SLC25A13: variants seen among roughly 807,000 people sequenced by gnomAD.
SLC25A13 encodes the protein electrogenic aspartate/glutamate antiporter SLC25A13, mitochondrial.
In SLC25A13, 70 loss-of-function variants were observed where a neutral mutation model predicts 85.5. The ratio of observed to expected loss-of-function variants is 0.82; its 90% CI spans 0.68 to 1.00. SLC25A13 has a LOEUF of 1.00. Ranked by LOEUF, SLC25A13 falls within the 50% of genes least tolerant of loss-of-function variation. SLC25A13 has a pLI of 0.00. For missense variants in SLC25A13, 765 were observed against 819.8 expected (o/e 0.93, Z 0.82); for synonymous variants, 259 against 288.7 (o/e 0.90, Z 1.04).
intron 14 of SLC25A13, 146 bp from the exon 15 acceptor site, chr7:96,132,027 A>G (rs1458625109): frequency 9.4e-7 from 1 of 1,060,488 alleles, no homozygotes; most frequent in Non-Finnish European, 1.4e-6. Context: ...AGAAAAAAAT[A>G]ACCCAAATTC....
intron 1 of SLC25A13, among the ~76,000 whole-genome samples, chr7:96,315,544 AG>A (rs1800098226): frequency 6.6e-6 from 1 of 152,234 alleles, no homozygotes; most frequent in Non-Finnish European, 1.5e-5. Context: ...TCCTGGTAAA[AG>A]GGGACAGGAC....
At chr7:96,270,750 T>C (rs1227535791) in intron 3 of SLC25A13, among the ~76,000 whole-genome samples, 2 of 152,096 alleles carry the variant, frequency 1.3e-5, no homozygotes, top group Non-Finnish European at 2.9e-5. Context: ...CAAATTCCCA[T>C]AATAACACAA....
intron 3 of SLC25A13, among the ~76,000 whole-genome samples, chr7:96,243,388 A>ATGT (rs1797064820): frequency 6.6e-6 from 1 of 152,216 alleles, no homozygotes; most frequent in Non-Finnish European, 1.5e-5. Flanking sequence ...AAGGAACCAC[A>ATGT]TTTGCAGATG....
intron 14 of SLC25A13, among the ~76,000 whole-genome samples, chr7:96,139,997 C>A (rs1340445798): frequency 8.3e-6 from 1 of 120,508 alleles, no homozygotes; most frequent in South Asian, 2.7e-4. Flanking sequence ...CTCGCTCTGT[C>A]GCCCAGGCTG....
At position 96,176,938 on chromosome 7, in the gene SLC25A13, T is replaced by G. The variant is rs555339591; in HGVS notation, c.1178-5414A>C. ...TGTGCATCTTTCACACTGAGTGATCTTGGGTAGTAATTCTTTGAATTCTAG... is the reference window on the plus strand; with the variant it reads ...TGTGCATCTTTCACACTGAGTGATCGTGGGTAGTAATTCTTTGAATTCTAG... On this transcript the variant is annotated intron_variant, in intron 11 of 17. Coordinates refer to ENST00000265631, the MANE Select transcript of SLC25A13 (RefSeq NM_014251.3). Among the ~76,000 whole-genome samples the G allele has an allele frequency of 1.1e-3, 174 of 152,282 alleles. 5 individuals are homozygous for G. The South Asian group carries it at 0.035, about 31-fold the overall frequency.
chr7:96,157,685 T>A (rs1793339152), intron 13 of SLC25A13, among the ~76,000 whole-genome samples: 3 of 152,008 alleles, frequency 2.0e-5, no homozygotes, highest in Admixed American at 6.6e-5. Context: ...GTGCCTGTAG[T>A]CTTGGCCACT....
At position 96,139,666 on chromosome 7, in the gene SLC25A13, T is replaced by C. The variant is rs567114805; in HGVS notation, c.1452+6890A>G. 3.3e-5 allele frequency among the ~76,000 whole-genome samples: 5 copies of C among 152,338 alleles called. No individual in the cohort carries two copies. The South Asian group carries it at 1.0e-3, about 32-fold the overall frequency. ...TGTGAAAAGACTCAGTCACTCTCTC[T>C]CATACATCAAGAATATGTACACTTA... On this transcript the variant is annotated intron_variant, in intron 14 of 17. Coordinates refer to ENST00000265631, the MANE Select transcript of SLC25A13 (RefSeq NM_014251.3).
intron 9 of SLC25A13, 112 bp from the exon 10 acceptor site, chr7:96,185,123 A>C: frequency 1.4e-6 from 1 of 699,106 alleles, no homozygotes; most frequent in Non-Finnish European, 2.3e-6. Flanking sequence ...TTCTAAATCC[A>C]TGATACAACT....
At chr7:96,299,116 T>C (rs1373502762) in intron 1 of SLC25A13, among the ~76,000 whole-genome samples, 1 of 152,240 alleles carries the variant, frequency 6.6e-6, no homozygotes, top group Non-Finnish European at 1.5e-5. Context: ...AATTCTAAAA[T>C]AGAATTAATT....
chr7:96,284,152 A>G (rs1269790981), intron 2 of SLC25A13, among the ~76,000 whole-genome samples: 1 of 152,152 alleles, frequency 6.6e-6, no homozygotes, highest in African/African-American at 2.4e-5. Context: ...AAGTATTTGT[A>G]ACATAGCAGG....
Position 96,121,682 on chromosome 7 carries a change from C to A in SLC25A13, c.1814G>T (p.Arg605Leu), listed in dbSNP as rs548194276. The change falls in exon 17 of 18, where the codon CGA (arginine) becomes CTA (leucine). Residue 605 changes from arginine (R) to leucine (L), a missense_variant. Arg to Leu is a moderately radical substitution (Grantham distance 102). Transcript: ENST00000265631. ...VTLLTYELLQ[R>L]WFYIDFGGVK... is the part of the protein sequence containing the mutation. ...TCCTCCAAAATCAATGTAGAACCAT[C>A]GCTGTAGCAATTCGTAAGTCAGCAA... 6.2e-7 allele frequency: 1 copy of A among 1,614,004 alleles called. No homozygotes were observed. The highest frequency in any genetic ancestry group is 1.1e-5 in the South Asian group (1 of 91,084).
chr7:96,215,243 C>A (rs548455441), intron 4 of SLC25A13, among the ~76,000 whole-genome samples: 1 of 152,106 alleles, frequency 6.6e-6, no homozygotes, highest in Non-Finnish European at 1.5e-5. Context: ...GGATTACAGG[C>A]GCTTTGATAC....
chr7:96,268,407 C>A (rs970572206), intron 3 of SLC25A13, among the ~76,000 whole-genome samples: 1 of 152,122 alleles, frequency 6.6e-6, no homozygotes, highest in Non-Finnish European at 1.5e-5. Flanking sequence ...AGTTCAGTTA[C>A]GTGGTACAGT....
intron 4 of SLC25A13, among the ~76,000 whole-genome samples, chr7:96,222,422 A>G (rs1796168044): frequency 6.6e-6 from 1 of 152,122 alleles, no homozygotes; most frequent in Non-Finnish European, 1.5e-5. Flanking sequence ...TAGCCAGCCA[A>G]CCAAACAGTT....
intron 12 of SLC25A13, 107 bp from the exon 13 acceptor site, chr7:96,170,232 T>G: frequency 1.0e-6 from 1 of 965,848 alleles, no homozygotes; most frequent in East Asian, 2.5e-5. Flanking sequence ...ATCAGTCTAT[T>G]GGAGTAATCA....
chr7:96,205,653 A>G (rs1256951199), intron 5 of SLC25A13, among the ~76,000 whole-genome samples: 1 of 152,262 alleles, frequency 6.6e-6, no homozygotes, highest in Non-Finnish European at 1.5e-5. Flanking sequence ...AGTCAAGTTT[A>G]GCTCAAATAA....
In SLC25A13 at chr7:96,270,185, C is replaced by G. The variant is rs1412988004; in HGVS notation, c.212+7011G>C. The stretch of plus-strand genomic sequence containing the variant: ...GACATGCTAATTAGCTTGCTTTAGC[C>G]ATTCTACAATGTATACATATTTCAA... On this transcript the variant is annotated intron_variant, in intron 3 of 17. Coordinates refer to ENST00000265631, the MANE Select transcript of SLC25A13 (RefSeq NM_014251.3). 4.6e-5 allele frequency among the ~76,000 whole-genome samples: 7 copies of G among 152,234 alleles called. No homozygotes were observed. In the East Asian group the frequency reaches 1.3e-3, roughly 29 times the overall value.
At chr7:96,181,583 T>C (rs891590453) in intron 11 of SLC25A13, among the ~76,000 whole-genome samples, 2 of 152,232 alleles carry the variant, frequency 1.3e-5, no homozygotes, top group Non-Finnish European at 2.9e-5. Flanking sequence ...TGAGGCCAGA[T>C]GCCAACTTTT....
intron 3 of SLC25A13, among the ~76,000 whole-genome samples, chr7:96,271,734 C>T (rs1798245778): frequency 6.6e-6 from 1 of 151,742 alleles, no homozygotes; most frequent in African/African-American, 2.4e-5. Context: ...ATATATTACA[C>T]ATTGTTATCT....
Sources: allele counts gnomAD v4.1 joint callset (sites outside exome capture counted in the v4.1 genomes callset), GRCh38; gene constraint gnomAD v4.1.1; transcripts MANE v1.5; gene names NCBI Gene and HGNC (gene_info 2026-07-23, HGNC 2026-07-21).